Variants in CDNF observed in about 807,000 individuals in gnomAD.
The protein encoded by CDNF is ARMET-like protein 1.
In CDNF, 9 loss-of-function variants were observed where a neutral mutation model predicts 14.8. That is an observed-to-expected ratio of 0.61 (90% CI 0.37 to 1.06). CDNF has a LOEUF of 1.06. Ranked by LOEUF, CDNF falls within the 50% of genes least tolerant of loss-of-function variation. The probability of loss-of-function intolerance (pLI) is 0.01; values close to 1 mark genes in which losing one functional copy is unlikely to be tolerated. For missense variants in CDNF, 228 were observed against 228.4 expected (o/e 1.00, Z 0.01); for synonymous variants, 86 against 87.2 (o/e 0.99, Z 0.07).
chr10:14,831,971 A>T (rs929771084), intron 1 of CDNF, among the ~76,000 whole-genome samples: 1 of 152,228 alleles, frequency 6.6e-6, no homozygotes, highest in African/African-American at 2.4e-5. Context: ...AGCGACTAGT[A>T]AGTGCAAAAC....
intron 3 of CDNF, among the ~76,000 whole-genome samples, chr10:14,822,853 T>C (rs1307050596): frequency 6.6e-6 from 1 of 152,212 alleles, no homozygotes; most frequent in Non-Finnish European, 1.5e-5. Context: ...ATTTAGAGGG[T>C]CAGCTATACA....
At chr10:14,824,706 T>A (rs1833765069) in intron 3 of CDNF, among the ~76,000 whole-genome samples, 2 of 152,048 alleles carry the variant, frequency 1.3e-5, no homozygotes, top group African/African-American at 4.8e-5. Context: ...CCTGACTTGA[T>A]GTGAATAACC....
In CDNF at chr10:14,819,336, C is replaced by A. The variant is rs1833716249; in HGVS notation, c.*644G>T. 6.6e-6 allele frequency: 1 copy of A among 152,140 alleles called. No homozygotes were observed. The highest frequency in any genetic ancestry group is 1.5e-5 in the Non-Finnish European group (1 of 68,024). The allele number at this position is 152,140 out of a possible 1,614,324, so 9.4% of individuals were successfully genotyped here. A position where few individuals can be genotyped will look rare whatever the true frequency, so the allele number is the denominator to read the frequency against. On this transcript the variant is annotated 3_prime_UTR_variant, in exon 4 of 4. Coordinates refer to ENST00000465530, the MANE Select transcript of CDNF (RefSeq NM_001029954.3). ...ATGTGACTGTAAGGAATGAAAAAGA[C>A]CTTGAGCTTGGTTCAATTAACAATG...
At chr10:14,836,527 T>C (rs1365955931) in intron 1 of CDNF, among the ~76,000 whole-genome samples, 1 of 152,254 alleles carries the variant, frequency 6.6e-6, no homozygotes, top group Non-Finnish European at 1.5e-5. Context: ...AGCAAAATTA[T>C]AACTTAGCTA....
intron 1 of CDNF, among the ~76,000 whole-genome samples, chr10:14,832,954 G>A (rs1417165563): frequency 6.7e-6 from 1 of 149,588 alleles, no homozygotes. Flanking sequence ...CCAACTCCTG[G>A]ATTGAAGTGA....
intron 1 of CDNF, among the ~76,000 whole-genome samples, chr10:14,830,181 T>G (rs1312682331): frequency 3.3e-5 from 5 of 152,298 alleles, no homozygotes; most frequent in Middle Eastern, 3.4e-3. Flanking sequence ...CCGATGTGAA[T>G]TTTGGCTGCA....
rs577476973 is a variant in CDNF at position 14,821,936 on chromosome 10, T to C, written c.386-1778A>G. On this transcript the variant is annotated intron_variant, in intron 3 of 3. Coordinates refer to ENST00000465530, the MANE Select transcript of CDNF (RefSeq NM_001029954.3). ...GGTTCACTTTTTCTAGGAAGATGTA[T>C]CTTCGGCAAAGCAAATGAGCACATA... Among the ~76,000 whole-genome samples the C allele has an allele frequency of 2.6e-5, 4 of 152,364 alleles. No individual in the cohort carries two copies. In the South Asian group the frequency reaches 6.2e-4, roughly 24 times the overall value.
intron 1 of CDNF, among the ~76,000 whole-genome samples, chr10:14,830,841 C>T (rs147750917): frequency 1.3e-5 from 2 of 151,958 alleles, no homozygotes; most frequent in Admixed American, 1.3e-4. Flanking sequence ...AGTGAAACTC[C>T]GTCTCAAAAA....
At chr10:14,836,066 A>G (rs1345072596) in intron 1 of CDNF, among the ~76,000 whole-genome samples, 2 of 152,252 alleles carry the variant, frequency 1.3e-5, no homozygotes, top group South Asian at 2.1e-4. Context: ...AAACATATCA[A>G]TAGGTCCGAG....
intron 2 of CDNF, 81 bp from the exon 3 acceptor site, chr10:14,825,701 C>G: frequency 6.8e-7 from 1 of 1,467,030 alleles, no homozygotes. Context: ...AATACAGTAT[C>G]AAGAAGAAAG....
chr10:14,828,298 G>A (rs1455749273), intron 1 of CDNF, 26 bp from the exon 2 acceptor site: 1 of 1,610,718 alleles, frequency 6.2e-7, no homozygotes, highest in East Asian at 2.2e-5. Context: ...AAATATGTCT[G>A]CATGCACAAC....
chr10:14,829,624 T>TTTTG (rs971873492), intron 1 of CDNF, among the ~76,000 whole-genome samples: 3 of 152,088 alleles, frequency 2.0e-5, no homozygotes, highest in Admixed American at 6.6e-5. Context: ...TCAGAGTTTT[T>TTTTG]TTTGTTTGTT....
intron 3 of CDNF, among the ~76,000 whole-genome samples, chr10:14,824,605 CAAAAAAA>C (rs572648812): frequency 1.7e-4 from 11 of 64,644 alleles, no homozygotes; most frequent in South Asian, 3.8e-4. Flanking sequence ...GACTTCCCCT[CAAAAAAA>C]AAAAAAAAAA....
In CDNF at chr10:14,837,695, G is replaced by A. The variant is rs980022698; in HGVS notation, c.115+137C>T. ...CTTTTTACTCGAGCTGGGCTTGGGC[G>A]ATCTAAAACGAGGGACAGGGCCTGC... On this transcript the variant is annotated intron_variant, in intron 1 of 3. Transcript: ENST00000465530. 38 of 591,696 alleles carry A rather than the reference G, an allele frequency of 6.4e-5. No homozygotes were observed. In the South Asian group the frequency reaches 7.2e-4, roughly 11 times the overall value. The allele number at this position is 591,696 out of a possible 1,614,324, so 36.7% of individuals were successfully genotyped here. A position where few individuals can be genotyped will look rare whatever the true frequency, so the allele number is the denominator to read the frequency against.
intron 2 of CDNF, among the ~76,000 whole-genome samples, chr10:14,826,842 T>G (rs1326967401): frequency 6.6e-6 from 1 of 152,154 alleles, no homozygotes; most frequent in Non-Finnish European, 1.5e-5. Flanking sequence ...AACCCAGCAC[T>G]TTGGCTCTAG....
At chr10:14,823,889 C>A (rs1212954222) in intron 3 of CDNF, among the ~76,000 whole-genome samples, 1 of 152,074 alleles carries the variant, frequency 6.6e-6, no homozygotes, top group East Asian at 1.9e-4. Context: ...GGCTTGGAAG[C>A]CAATAAAAAA....
chr10:14,826,252 A>T (rs1265974773), intron 2 of CDNF, among the ~76,000 whole-genome samples: 1 of 151,984 alleles, frequency 6.6e-6, no homozygotes, highest in East Asian at 1.9e-4. Context: ...AAGAAGCATA[A>T]GAAGCAGTAG....
chr10:14,837,137 G>A (rs1176544607), intron 1 of CDNF, among the ~76,000 whole-genome samples: 1 of 152,080 alleles, frequency 6.6e-6, no homozygotes, highest in Admixed American at 6.6e-5. Flanking sequence ...AGAAGGAAGG[G>A]GCTAGCATAG....
At chr10:14,821,448 A>C (rs1482736438) in intron 3 of CDNF, among the ~76,000 whole-genome samples, 1 of 152,220 alleles carries the variant, frequency 6.6e-6, no homozygotes, top group Non-Finnish European at 1.5e-5. Flanking sequence ...GCAATGCGGG[A>C]ACAGACTAAT....
Sources: allele counts gnomAD v4.1 joint callset (sites outside exome capture counted in the v4.1 genomes callset), GRCh38; gene constraint gnomAD v4.1.1; transcripts MANE v1.5; gene names NCBI Gene and HGNC (gene_info 2026-07-23, HGNC 2026-07-21).